Variants in PPP2R3A observed in about 807,000 individuals in gnomAD.
PPP2R3A encodes the protein serine/threonine-protein phosphatase 2A regulatory subunit B'' subunit alpha.
PPP2R3A carries 80 observed loss-of-function variants against 106.9 expected under a neutral mutation model. That is an observed-to-expected ratio of 0.75 (90% CI 0.62 to 0.90). The LOEUF is 0.90. PPP2R3A is among the 40% of genes least tolerant of loss of function. The pLI is 0.00. For missense variants in PPP2R3A, 1,386 were observed against 1,350.4 expected (o/e 1.03, Z -0.41); for synonymous variants, 483 against 468.3 (o/e 1.03, Z -0.41).
In PPP2R3A at chr3:136,145,171, C is replaced by T. The variant is rs768813463; in HGVS notation, c.*5C>T. 43 of 1,603,894 alleles carry T rather than the reference C, an allele frequency of 2.7e-5. No individual in the cohort carries two copies. Among genetic ancestry groups the T allele is most frequent in the Non-Finnish European group, 3.6e-5 (42 of 1,177,082 alleles). Reference sequence around the variant, plus strand: ...CAATCAGTGGATGAAGAATAGCTGCCGGTGTCTACAATGAAACGAAGATGT... The same window carrying T: ...CAATCAGTGGATGAAGAATAGCTGCTGGTGTCTACAATGAAACGAAGATGT... On this transcript the variant is annotated 3_prime_UTR_variant, in exon 14 of 14. Coordinates refer to ENST00000264977, the MANE Select transcript of PPP2R3A (RefSeq NM_002718.5).
At chr3:136,015,338 A>T (rs1309459089) in intron 2 of PPP2R3A, among the ~76,000 whole-genome samples, 3 of 152,130 alleles carry the variant, frequency 2.0e-5, no homozygotes, top group Non-Finnish European at 4.4e-5. Flanking sequence ...TCATAGAATG[A>T]TTTAGGGAGG....
chr3:135,981,437 T>A (rs1215313003), intron 1 of PPP2R3A, among the ~76,000 whole-genome samples: 1 of 151,884 alleles, frequency 6.6e-6, no homozygotes, highest in East Asian at 1.9e-4. Context: ...AAGGCCACTT[T>A]ATCCTAGATG....
chr3:136,146,180 CAGCTATAAAAGAA>C lies in PPP2R3A; in HGVS notation c.*1019_*1031del, dbSNP rs1357067433. ...TTTATCAAGGAAATGGAAAATGATA[CAGCTATAAAAGAA>C]AGCTGTTATTTACTGTAGTTGTAGA... On this transcript the variant is annotated 3_prime_UTR_variant, in exon 14 of 14. Transcript: ENST00000264977. 1.3e-5 allele frequency: 2 copies of C among 152,118 alleles called. No homozygotes were observed. The highest frequency in any genetic ancestry group is 2.9e-5 in the Non-Finnish European group (2 of 68,024). The allele number at this position is 152,118 out of a possible 1,614,324, so 9.4% of individuals were successfully genotyped here.
At chr3:136,041,709 G>C (rs1264749620) in intron 4 of PPP2R3A, among the ~76,000 whole-genome samples, 1 of 152,188 alleles carries the variant, frequency 6.6e-6, no homozygotes, top group Non-Finnish European at 1.5e-5. Context: ...TGATTTGTTA[G>C]AAATACTGAA....
In PPP2R3A at chr3:136,041,238, G is replaced by GTTTTTTTT. The variant is rs67116006; in HGVS notation, c.2366+280_2366+287dup. The stretch of plus-strand genomic sequence containing the variant: ...TTATTAGTTTTACTTGGTTTTTCTT[G>GTTTTTTTT]TTTTTTTTTTTGTTTTTTTTTTTGT... On this transcript the variant is annotated intron_variant, in intron 4 of 13. Transcript: ENST00000264977. 3.4e-4 allele frequency among the ~76,000 whole-genome samples: 32 copies of GTTTTTTTT among 92,888 alleles called. 6 individuals carry two copies. The highest frequency in any genetic ancestry group is 6.3e-4 in the African/African-American group (14 of 22,200). The allele number at this position is 92,888 out of a possible 152,430, so 60.9% of individuals were successfully genotyped here. A position where few individuals can be genotyped will look rare whatever the true frequency, so the allele number is the denominator to read the frequency against.
intron 13 of PPP2R3A, among the ~76,000 whole-genome samples, chr3:136,126,414 G>A (rs1463199913): frequency 6.6e-6 from 1 of 152,212 alleles, no homozygotes; most frequent in African/African-American, 2.4e-5. Flanking sequence ...AGCTGGGCTG[G>A]GGGAGGGTTA....
At chr3:136,075,393 A>G (rs1421061362) in intron 6 of PPP2R3A, among the ~76,000 whole-genome samples, 3 of 152,206 alleles carry the variant, frequency 2.0e-5, no homozygotes. Context: ...CAGCAGCTAC[A>G]TGCTTCACCA....
intron 1 of PPP2R3A, among the ~76,000 whole-genome samples, chr3:135,986,752 T>C (rs1460054100): frequency 6.6e-6 from 1 of 152,178 alleles, no homozygotes; most frequent in Non-Finnish European, 1.5e-5. Flanking sequence ...CTAAGTGCTT[T>C]ATAATTCTTT....
chr3:136,090,188 G>C (rs1323727175), intron 9 of PPP2R3A, among the ~76,000 whole-genome samples: 2 of 152,072 alleles, frequency 1.3e-5, no homozygotes, highest in Non-Finnish European at 2.9e-5. Flanking sequence ...TGTTCTTAAG[G>C]GGATTGCTTC....
chr3:135,985,454 CT>C (rs1937601331), intron 1 of PPP2R3A, among the ~76,000 whole-genome samples: 1 of 151,572 alleles, frequency 6.6e-6, no homozygotes, highest in Admixed American at 6.6e-5. Flanking sequence ...CACACACATA[CT>C]CTTCCCTACC....
At chr3:136,101,978 C>T in intron 10 of PPP2R3A, 29 bp from the exon 11 acceptor site, 10 of 1,593,554 alleles carry the variant, frequency 6.3e-6, no homozygotes, top group Non-Finnish European at 8.6e-6. Flanking sequence ...TTTACCAGGC[C>T]CATGATAATG....
chr3:136,049,115 A>G (rs780308885), intron 4 of PPP2R3A, 144 bp from the exon 5 acceptor site: 3 of 637,580 alleles, frequency 4.7e-6, no homozygotes, highest in Non-Finnish European at 8.1e-6. Flanking sequence ...TCATCATTCT[A>G]AAACATCCTT....
intron 2 of PPP2R3A, among the ~76,000 whole-genome samples, chr3:136,015,148 G>T (rs1490316317): frequency 6.6e-6 from 1 of 151,986 alleles, no homozygotes; most frequent in Non-Finnish European, 1.5e-5. Flanking sequence ...TGTATATTAA[G>T]TAATCCCTGC....
intron 4 of PPP2R3A, 137 bp from the exon 5 acceptor site, chr3:136,049,122 C>A: frequency 3.1e-6 from 2 of 647,410 alleles, no homozygotes; most frequent in Non-Finnish European, 5.3e-6. Flanking sequence ...TCTAAAACAT[C>A]CTTTGATTAT....
At chr3:136,059,329 A>C (rs751150434) in intron 5 of PPP2R3A, among the ~76,000 whole-genome samples, 1 of 152,184 alleles carries the variant, frequency 6.6e-6, no homozygotes, top group African/African-American at 2.4e-5. Context: ...TACATGAACA[A>C]ATATTTTTCA....
chr3:136,061,635 G>A (rs1326029257), intron 5 of PPP2R3A, among the ~76,000 whole-genome samples: 1 of 146,766 alleles, frequency 6.8e-6, no homozygotes, highest in East Asian at 2.1e-4. Flanking sequence ...CAAAAAGCAA[G>A]CGAGGCCGGG....
intron 12 of PPP2R3A, 70 bp downstream of exon 12, chr3:136,103,446 T>C (rs1937431486): frequency 4.7e-6 from 5 of 1,063,966 alleles, no homozygotes; most frequent in Non-Finnish European, 6.9e-6. Context: ...CATATTAACA[T>C]GGTCTCTGCA....
At chr3:136,075,948 TTCCGCCAAG>T (rs957028280) in intron 6 of PPP2R3A, among the ~76,000 whole-genome samples, 2 of 152,156 alleles carry the variant, frequency 1.3e-5, no homozygotes, top group Non-Finnish European at 2.9e-5. Context: ...TTACATGAAC[TTCCGCCAAG>T]CTAGTGCTAA....
rs763899963 is a variant in PPP2R3A at position 136,103,330 on chromosome 3, A to G, written c.3176A>G (p.Glu1059Gly). Residue 1059 changes from glutamate to glycine, a missense_variant, in exon 12 of 14, where the codon GAG becomes GGG. By Grantham distance (98) the Glu-to-Gly change is moderately conservative (BLOSUM62 -2). Transcript: ENST00000264977. ...HIFYDTFFNL[E>G]KYLDHEQRDP... ...TTCTATGACACTTTCTTTAATCTGG[A>G]GAAATACTTAGACCATGAACAGAGA... is the stretch of plus-strand genomic sequence containing the variant. 6.2e-6 allele frequency: 10 copies of G among 1,609,522 alleles called. No individual in the cohort carries two copies. In the African/African-American group the frequency reaches 9.4e-5, roughly 15 times the overall value.
Sources: gnomAD v4.1 joint callset for allele counts (sites outside exome capture counted in the v4.1 genomes callset) on GRCh38, gnomAD v4.1.1 for gene constraint, MANE v1.5 for transcripts, NCBI Gene and HGNC (gene_info 2026-07-23, HGNC 2026-07-21) for gene names.